Variants in PLCB1 observed in about 807,000 individuals in gnomAD.
PLCB1 encodes 1-phosphatidylinositol 4,5-bisphosphate phosphodiesterase beta-1.
In PLCB1, 46 loss-of-function variants were observed where a neutral mutation model predicts 161.8. The observed-to-expected ratio is 0.28, with a 90% CI of 0.22 to 0.36. PLCB1 has a LOEUF of 0.36. PLCB1 is among the 10% of genes least tolerant of loss of function. The pLI is 1.00. For missense variants in PLCB1, 1,016 were observed against 1,472.5 expected, an observed-to-expected ratio of 0.69 and a Z score of 5.07; for synonymous variants, 517 against 503.7, an observed-to-expected ratio of 1.03 and a Z score of -0.35.
intron 3 of PLCB1, among the ~76,000 whole-genome samples, chr20:8,485,860 A>G (rs538425237): frequency 1.2e-4 from 19 of 152,246 alleles, no homozygotes; most frequent in Non-Finnish European, 2.1e-4. Flanking sequence ...CCCTCCCTCA[A>G]TCTTGGAGGG....
At chr20:8,550,306 C>A (rs985350161) in intron 3 of PLCB1, among the ~76,000 whole-genome samples, 1 of 152,054 alleles carries the variant, frequency 6.6e-6, no homozygotes, top group Admixed American at 6.6e-5. Flanking sequence ...TGTGTTCCCC[C>A]CACCCAAATC....
chr20:8,718,822 A>T (rs1277910872), intron 14 of PLCB1, among the ~76,000 whole-genome samples: 2 of 152,222 alleles, frequency 1.3e-5, no homozygotes, highest in Non-Finnish European at 2.9e-5. Flanking sequence ...CATAATGGGA[A>T]ATATTAACTA....
chr20:8,752,780 G>A (rs1381357799), intron 23 of PLCB1, among the ~76,000 whole-genome samples: 2 of 147,798 alleles, frequency 1.4e-5, no homozygotes, highest in African/African-American at 5.0e-5. Context: ...GTGACAGAGT[G>A]AGACTCCATC....
At chr20:8,460,414 G>A (rs940505971) in intron 3 of PLCB1, among the ~76,000 whole-genome samples, 1 of 152,190 alleles carries the variant, frequency 6.6e-6, no homozygotes, top group African/African-American at 2.4e-5. Context: ...AATTCTTCTT[G>A]TAAATTATGA....
At chr20:8,604,209 TACC>T (rs910765556) in intron 3 of PLCB1, among the ~76,000 whole-genome samples, 7 of 116,664 alleles carry the variant, frequency 6.0e-5, no homozygotes, top group Non-Finnish European at 8.0e-5. Flanking sequence ...GCCAAGATCA[TACC>T]ACTGCACTCC....
chr20:8,594,578 T>G (rs1439778260), intron 3 of PLCB1, among the ~76,000 whole-genome samples: 3 of 152,078 alleles, frequency 2.0e-5, no homozygotes, highest in Non-Finnish European at 2.9e-5. Flanking sequence ...CCTGGTAACT[T>G]AAGTTTTCTG....
intron 3 of PLCB1, among the ~76,000 whole-genome samples, chr20:8,382,550 CT>C (rs547236512): frequency 1.7e-3 from 217 of 129,232 alleles, no homozygotes; most frequent in Admixed American, 1.9e-3. Flanking sequence ...CTCAAAGTGT[CT>C]TTTTTTTTTT....
chr20:8,621,454 T>C (rs1229920493), intron 3 of PLCB1, among the ~76,000 whole-genome samples: 1 of 152,234 alleles, frequency 6.6e-6, no homozygotes, highest in Non-Finnish European at 1.5e-5. Flanking sequence ...GTTTTCAAAT[T>C]GCTATAGTTC....
Position 8,737,160 on chromosome 20 carries a change from G to A in PLCB1, c.2176G>A (p.Val726Ile), listed in dbSNP as rs756337847. 6.2e-6 allele frequency: 10 copies of A among 1,613,700 alleles called. No homozygotes were observed. The highest frequency in any genetic ancestry group is 8.5e-6 in the Non-Finnish European group (10 of 1,179,828). The change falls in exon 20 of 32, where the codon GTC becomes ATC. Residue 726 changes from valine to isoleucine, a missense_variant. This residue lies in a region of PLCB1 where 75 missense variants were observed against 117.0 expected (regional missense o/e 0.64). Transcript: ENST00000338037. ...KTSQGNAVNPVWEEEPIVFKK... is the reference protein window; with the variant it reads ...KTSQGNAVNPIWEEEPIVFKK... ...ATCCCAAGGAAATGCTGTGAATCCT[G>A]TCTGGGAAGAAGAACCTATTGTGTT...
chr20:8,701,873 G>T (rs1218228071), intron 11 of PLCB1, among the ~76,000 whole-genome samples: 1 of 152,196 alleles, frequency 6.6e-6, no homozygotes, highest in Non-Finnish European at 1.5e-5. Flanking sequence ...GGTAGAGGCA[G>T]GGAAAACATT....
At chr20:8,795,877 C>CAAAAAA (rs368453811) in intron 31 of PLCB1, among the ~76,000 whole-genome samples, 1 of 71,752 alleles carries the variant, frequency 1.4e-5, no homozygotes, top group Non-Finnish European at 3.8e-5. Context: ...CACCCTGTCT[C>CAAAAAA]AAAAAAAAAA....
At chr20:8,181,836 G>A (rs1404363447) in intron 2 of PLCB1, among the ~76,000 whole-genome samples, 5 of 152,072 alleles carry the variant, frequency 3.3e-5, no homozygotes, top group African/African-American at 9.7e-5. Context: ...TGGGCATGGC[G>A]AATCACATCT....
At chr20:8,796,617 T>C (rs911568901) in intron 31 of PLCB1, among the ~76,000 whole-genome samples, 8 of 152,202 alleles carry the variant, frequency 5.3e-5, no homozygotes, top group African/African-American at 1.9e-4. Flanking sequence ...TTGTTTGTTC[T>C]GTAGAAGAAA....
chr20:8,218,383 C>T (rs934563585), intron 2 of PLCB1, among the ~76,000 whole-genome samples: 1 of 152,156 alleles, frequency 6.6e-6, no homozygotes, highest in Middle Eastern at 3.4e-3. Flanking sequence ...AACAAACTTG[C>T]CTCTTTTTCC....
chr20:8,408,390 C>T (rs1978880177), intron 3 of PLCB1, among the ~76,000 whole-genome samples: 1 of 150,748 alleles, frequency 6.6e-6, no homozygotes, highest in Admixed American at 6.6e-5. Context: ...AGCCACTGCA[C>T]CACTCCAGCA....
chr20:8,770,456 A>C (rs1982618679), intron 26 of PLCB1, among the ~76,000 whole-genome samples: 1 of 152,214 alleles, frequency 6.6e-6, no homozygotes, highest in Non-Finnish European at 1.5e-5. Flanking sequence ...TGAGACAGTT[A>C]ATTTAGCAAG....
At chr20:8,576,033 A>C (rs1986663278) in intron 3 of PLCB1, among the ~76,000 whole-genome samples, 2 of 152,240 alleles carry the variant, frequency 1.3e-5, no homozygotes, top group Non-Finnish European at 2.9e-5. Context: ...AATTAAAATC[A>C]TACATACTCA....
chr20:8,418,922 C>G (rs1296601848), intron 3 of PLCB1, among the ~76,000 whole-genome samples: 1 of 152,110 alleles, frequency 6.6e-6, no homozygotes, highest in Non-Finnish European at 1.5e-5. Context: ...GAGAGGGCAA[C>G]AGCTGAGGTT....
At chr20:8,290,414 G>A (rs550946444) in intron 2 of PLCB1, among the ~76,000 whole-genome samples, 4 of 152,312 alleles carry the variant, frequency 2.6e-5, no homozygotes, top group African/African-American at 9.6e-5. Flanking sequence ...TGGGCAGCTG[G>A]TGTTCAATCT....
Sources: allele counts gnomAD v4.1 joint callset (sites outside exome capture counted in the v4.1 genomes callset), GRCh38; gene constraint gnomAD v4.1.1; regional missense constraint gnomAD v4.1.1; transcripts MANE v1.5; gene names NCBI Gene and HGNC (gene_info 2026-07-23, HGNC 2026-07-21).